Variants in PRKG1 observed in about 807,000 individuals in gnomAD.
PRKG1 encodes the protein cGMP-dependent protein kinase 1.
A neutral mutation model predicts 88.1 loss-of-function variants in PRKG1; 35 were observed. The ratio of observed to expected loss-of-function variants is 0.40; its 90% CI spans 0.30 to 0.53. The LOEUF (loss-of-function observed/expected upper bound fraction) is 0.53. Among genes scored for constraint, PRKG1 ranks in the 20% least tolerant of loss-of-function variants. The pLI, the probability that PRKG1 is intolerant of heterozygous loss-of-function variation, is 0.59. For synonymous variants in PRKG1, 303 were observed against 292.5 expected (o/e 1.04, Z -0.37); for missense variants, 540 against 839.8 (o/e 0.64, Z 4.41).
At chr10:51,445,537 C>G (rs1335263533) in intron 2 of PRKG1, among the ~76,000 whole-genome samples, 1 of 150,818 alleles carries the variant, frequency 6.6e-6, no homozygotes, top group Non-Finnish European at 1.5e-5. Flanking sequence ...AATATAACAA[C>G]AACAACAACA....
chr10:52,213,389 C>G (rs1318831372), intron 9 of PRKG1, among the ~76,000 whole-genome samples: 2 of 152,128 alleles, frequency 1.3e-5, no homozygotes, highest in South Asian at 4.1e-4. Context: ...ATTTATGACA[C>G]TATGTCCTAA....
At chr10:51,926,958 A>G (rs1048007160) in intron 5 of PRKG1, among the ~76,000 whole-genome samples, 4 of 152,068 alleles carry the variant, frequency 2.6e-5, no homozygotes, top group African/African-American at 7.2e-5. Flanking sequence ...GTTGGATCCC[A>G]TCTGCACCAT....
At chr10:51,173,908 C>T (rs1837120536) in intron 2 of PRKG1, among the ~76,000 whole-genome samples, 3 of 151,682 alleles carry the variant, frequency 2.0e-5, no homozygotes, top group Non-Finnish European at 3.0e-5. Context: ...ACTAATACAA[C>T]CTAAAACTCT....
chr10:50,995,731 G>A (rs970730092), intron 1 of PRKG1, among the ~76,000 whole-genome samples: 1 of 152,062 alleles, frequency 6.6e-6, no homozygotes, highest in Non-Finnish European at 1.5e-5. Context: ...CTCAGGAACC[G>A]CACACAATTT....
At chr10:51,373,643 C>G (rs1842748765) in intron 2 of PRKG1, among the ~76,000 whole-genome samples, 1 of 151,914 alleles carries the variant, frequency 6.6e-6, no homozygotes, top group Admixed American at 6.6e-5. Flanking sequence ...CTTAATCAAC[C>G]CAAATGCCCA....
At chr10:51,947,235 G>C (rs191163658) in intron 5 of PRKG1, among the ~76,000 whole-genome samples, 3,567 of 152,220 alleles carry the variant, frequency 0.023, 122 homozygotes, top group African/African-American at 0.077. Flanking sequence ...CTAGCAATCA[G>C]CGAGACTCCG....
chr10:52,239,678 C>T (rs995385875), intron 9 of PRKG1, among the ~76,000 whole-genome samples: 5 of 148,208 alleles, frequency 3.4e-5, no homozygotes, highest in African/African-American at 1.2e-4. Context: ...GAGTGAGGAG[C>T]TTTAAGACAT....
At chr10:51,840,456 A>G (rs1840243385) in intron 4 of PRKG1, among the ~76,000 whole-genome samples, 1 of 152,126 alleles carries the variant, frequency 6.6e-6, no homozygotes. Context: ...GCAGGTTCTC[A>G]GGAGACTCAG....
At position 51,850,019 on chromosome 10, in the gene PRKG1, C is replaced by T. The variant is rs375892954; in HGVS notation, c.698+45329C>T. Among the ~76,000 whole-genome samples, 92 of 151,740 alleles carry T rather than the reference C, an allele frequency of 6.1e-4. No homozygotes were observed. The Middle Eastern group carries it at 0.01, about 17-fold the overall frequency. ...AAGTTGAACAATACCTCACAGTGTA[C>T]GCCAGAATGAATTTCAAATAGATAA... On this transcript the variant is annotated intron_variant, in intron 4 of 17. Coordinates refer to ENST00000373980, the MANE Select transcript of PRKG1 (RefSeq NM_006258.4).
intron 9 of PRKG1, among the ~76,000 whole-genome samples, chr10:52,232,243 C>T (rs1840543112): frequency 6.6e-6 from 1 of 151,786 alleles, no homozygotes; most frequent in Admixed American, 6.6e-5. Context: ...GTGGAGGATG[C>T]AGTGAGCCGA....
At chr10:51,607,279 A>G (rs370102046) in intron 3 of PRKG1, among the ~76,000 whole-genome samples, 1 of 152,208 alleles carries the variant, frequency 6.6e-6, no homozygotes, top group African/African-American at 2.4e-5. Context: ...TACCGTCCTT[A>G]GTAAGTCCAA....
intron 7 of PRKG1, among the ~76,000 whole-genome samples, chr10:52,063,370 C>T (rs773718894): frequency 1.3e-5 from 2 of 152,278 alleles, no homozygotes; most frequent in African/African-American, 2.4e-5. Context: ...GGAATGTGGT[C>T]GTGCCTGGAA....
chr10:51,389,793 T>G, intron 2 of PRKG1, among the ~76,000 whole-genome samples: 1 of 152,096 alleles, frequency 6.6e-6, no homozygotes, highest in East Asian at 1.9e-4. Flanking sequence ...AACAAGAACA[T>G]CTTGGAACTA....
chr10:52,293,228 A>C (rs1261420681), intron 17 of PRKG1, among the ~76,000 whole-genome samples: 1 of 151,828 alleles, frequency 6.6e-6, no homozygotes, highest in Non-Finnish European at 1.5e-5. Flanking sequence ...CTCTTCAAGG[A>C]GAACTACAAC....
At chr10:51,807,708 T>G (rs1488413862) in intron 4 of PRKG1, among the ~76,000 whole-genome samples, 2 of 152,172 alleles carry the variant, frequency 1.3e-5, no homozygotes, top group Non-Finnish European at 2.9e-5. Context: ...GAGGTAGGAC[T>G]CCTTTGGAAT....
At chr10:52,081,711 T>G (rs1424474598) in intron 7 of PRKG1, 1 of 456,268 alleles carries the variant, frequency 2.2e-6, no homozygotes, top group African/African-American at 2.0e-5. Flanking sequence ...CAGGATAAAA[T>G]GGAGCAGGGT....
At chr10:52,218,566 C>T (rs1840171233) in intron 9 of PRKG1, among the ~76,000 whole-genome samples, 2 of 152,146 alleles carry the variant, frequency 1.3e-5, no homozygotes, top group African/African-American at 2.4e-5. Flanking sequence ...TGGTTCACAA[C>T]AGCCAAGGCA....
Position 51,615,853 on chromosome 10 carries a change from T to C in PRKG1, c.592+148017T>C, listed in dbSNP as rs1279585940. ...GATTGAGATCTGTTCTGGAGAACTA[T>C]TGTATTCATTTAGTGGTGTCATATT... is the stretch of plus-strand genomic sequence containing the variant. On this transcript the variant is annotated intron_variant, in intron 3 of 17. Transcript: ENST00000373980. Among the ~76,000 whole-genome samples the C allele has an allele frequency of 2.0e-5, 3 of 152,138 alleles. No homozygotes were observed. In the East Asian group the frequency reaches 5.8e-4, roughly 29 times the overall value.
At chr10:51,983,658 A>G (rs1450482238) in intron 5 of PRKG1, among the ~76,000 whole-genome samples, 2 of 152,076 alleles carry the variant, frequency 1.3e-5, no homozygotes, top group African/African-American at 4.8e-5. Flanking sequence ...TCCTCTACAG[A>G]CACTCCCACA....
Sources: allele counts gnomAD v4.1 joint callset (sites outside exome capture counted in the v4.1 genomes callset), GRCh38; gene constraint gnomAD v4.1.1; transcripts MANE v1.5; gene names NCBI Gene and HGNC (gene_info 2026-07-23, HGNC 2026-07-21).